PTPRZ1: variants seen among roughly 807,000 people sequenced by gnomAD.
PTPRZ1 encodes the protein protein tyrosine phosphatase receptor type Z1.
A neutral mutation model predicts 214.1 loss-of-function variants in PTPRZ1; 82 were observed. The ratio of observed to expected loss-of-function variants is 0.38; its 90% CI spans 0.32 to 0.46. The LOEUF (loss-of-function observed/expected upper bound fraction) is 0.46. Ranked by LOEUF, PTPRZ1 falls within the 20% of genes least tolerant of loss-of-function variation. The probability of loss-of-function intolerance (pLI) is 1.00; values close to 1 mark genes in which losing one functional copy is unlikely to be tolerated. For synonymous variants in PTPRZ1, 945 were observed against 987.9 expected (o/e 0.96, Z 0.81); for missense variants, 2,603 against 2,748.7 (o/e 0.95, Z 1.19).
At chr7:122,041,117 A>G (rs866200295) in intron 21 of PTPRZ1, 138 bp downstream of exon 21, 1 of 746,414 alleles carries the variant, frequency 1.3e-6, no homozygotes, top group African/African-American at 1.8e-5. Flanking sequence ...CATTTTCATA[A>G]GTATTGATCA....
At chr7:122,049,193 A>T (rs1347832034) in intron 23 of PTPRZ1, among the ~76,000 whole-genome samples, 1 of 152,138 alleles carries the variant, frequency 6.6e-6, no homozygotes, top group African/African-American at 2.4e-5. Context: ...AAGCTTTCTT[A>T]GCCTTCTAGA....
Position 122,013,297 on chromosome 7 carries a change from A to C in PTPRZ1, c.4251A>C (p.Glu1417Asp). 6.2e-7 allele frequency: 1 copy of C among 1,607,758 alleles called. No homozygotes were observed. Among genetic ancestry groups the C allele is most frequent in the South Asian group, 1.1e-5 (1 of 90,544 alleles). The change falls in exon 12 of 30, where the codon GAA becomes GAC. Residue 1417 changes from glutamate to aspartate, a missense_variant. Transcript: ENST00000393386. ...ATGCCGGTTTAGTGGGTGGTGGTGA[A>C]GATGGTGACACTGATGATGATGGTG... ...KSDAGLVGGG[E>D]DGDTDDDGDD... is the part of the protein sequence containing the mutation.
intron 2 of PTPRZ1, among the ~76,000 whole-genome samples, chr7:121,954,478 T>C (rs1446561414): frequency 6.6e-6 from 1 of 152,222 alleles, no homozygotes; most frequent in African/African-American, 2.4e-5. Flanking sequence ...TACCTGTTTA[T>C]TGAGACTTAT....
chr7:121,910,356 A>G (rs1795234909), intron 1 of PTPRZ1, among the ~76,000 whole-genome samples: 1 of 152,098 alleles, frequency 6.6e-6, no homozygotes. Flanking sequence ...CTTCTTAAAT[A>G]CTGCATGATT....
chr7:122,011,529 G>T lies in PTPRZ1; in HGVS notation c.2483G>T (p.Ser828Ile). 1.2e-6 allele frequency: 2 copies of T among 1,614,036 alleles called. No individual in the cohort carries two copies. The highest frequency in any genetic ancestry group is 1.3e-5 in the African/African-American group (1 of 75,038). The stretch of plus-strand genomic sequence containing the variant: ...CTTCCATTTTCCTCTGCTTCCTTCA[G>T]TAGTGAATTGTTTCGCCATCTGCAT... ...PLLPFSSASF[S>I]SELFRHLHTV... Residue 828 changes from serine to isoleucine, a missense_variant, in exon 12 of 30, where the codon AGT (serine) becomes ATT (isoleucine). By Grantham distance (142) the Ser-to-Ile change is moderately radical. Transcript: ENST00000393386.
At chr7:122,054,166 G>A (rs1383809845) in intron 26 of PTPRZ1, 128 bp downstream of exon 26, 18 of 1,018,494 alleles carry the variant, frequency 1.8e-5, no homozygotes, top group Middle Eastern at 2.9e-4. Context: ...GTCATTGAAG[G>A]CATACTCTTC....
At chr7:122,046,906 A>C (rs1054788811) in intron 23 of PTPRZ1, among the ~76,000 whole-genome samples, 2 of 152,216 alleles carry the variant, frequency 1.3e-5, no homozygotes, top group African/African-American at 4.8e-5. Flanking sequence ...TAAAATAGCC[A>C]ATTAAAAATG....
intron 25 of PTPRZ1, 92 bp downstream of exon 25, chr7:122,052,031 G>A: frequency 1.1e-6 from 1 of 935,602 alleles, no homozygotes; most frequent in South Asian, 1.8e-5. Context: ...TACAGGCATG[G>A]GCAAATGAGT....
At chr7:121,923,158 T>G (rs1795651196) in intron 1 of PTPRZ1, among the ~76,000 whole-genome samples, 1 of 152,188 alleles carries the variant, frequency 6.6e-6, no homozygotes, top group Admixed American at 6.5e-5. Flanking sequence ...TGCCTTTTCT[T>G]CTACCTGGAA....
Position 122,038,898 on chromosome 7 carries a change from A to C in PTPRZ1, c.5502+9A>C. Reference sequence around the variant, plus strand: ...TCGTGGAGAAAGGAAGGGTATGTAGATAATCTGTTATGTCACCCCCAAAAA... The same window carrying C: ...TCGTGGAGAAAGGAAGGGTATGTAGCTAATCTGTTATGTCACCCCCAAAAA... On this transcript the variant is annotated intron_variant, in intron 19 of 29. Coordinates refer to ENST00000393386, the MANE Select transcript of PTPRZ1 (RefSeq NM_002851.3). 6.2e-7 allele frequency: 1 copy of C among 1,613,384 alleles called. No homozygotes were observed. The highest frequency in any genetic ancestry group is 2.2e-5 in the East Asian group (1 of 44,828).
chr7:121,886,327 T>C (rs1794396102), intron 1 of PTPRZ1, among the ~76,000 whole-genome samples: 1 of 152,132 alleles, frequency 6.6e-6, no homozygotes, highest in South Asian at 2.1e-4. Flanking sequence ...TCACAGGTTC[T>C]TTATCTGGTA....
intron 14 of PTPRZ1, 34 bp downstream of exon 14, chr7:122,028,677 T>C (rs1799280392): frequency 6.9e-7 from 1 of 1,450,084 alleles, no homozygotes. Flanking sequence ...GAGTAGCTGG[T>C]AGATGTTGAA....
intron 23 of PTPRZ1, among the ~76,000 whole-genome samples, chr7:122,046,449 A>G (rs1382220418): frequency 6.6e-6 from 1 of 152,150 alleles, no homozygotes; most frequent in Admixed American, 6.6e-5. Context: ...TAAACAAAAT[A>G]GTGTGAAAAA....
chr7:122,010,159 C>T (rs1263748714), intron 11 of PTPRZ1, among the ~76,000 whole-genome samples, 175 bp from the exon 12 acceptor site: 1 of 152,110 alleles, frequency 6.6e-6, no homozygotes, highest in Non-Finnish European at 1.5e-5. Context: ...AATTACTCCC[C>T]TGTAGAGCGG....
chr7:122,017,623 G>A (rs953521493), intron 12 of PTPRZ1, among the ~76,000 whole-genome samples: 18 of 151,398 alleles, frequency 1.2e-4, no homozygotes, highest in African/African-American at 2.9e-4. Context: ...GTGCAGTGGC[G>A]TGATCTCAGC....
rs889984428 is a variant in PTPRZ1 at position 121,897,372 on chromosome 7, GA to G, written c.58+23824del. Among the ~76,000 whole-genome samples, 318 of 150,716 alleles carry G rather than the reference GA, an allele frequency of 2.1e-3. 2 individuals are homozygous for G. Among genetic ancestry groups the G allele is most frequent in the African/African-American group, 7.4e-3 (303 of 41,116 alleles). Reference sequence around the variant, plus strand: ...ACATTCCTAAGAACTAGTCTCTATGGAAAAAAAAATGTAACATGACTTCTTC... The same window carrying G: ...ACATTCCTAAGAACTAGTCTCTATGGAAAAAAAATGTAACATGACTTCTTC... On this transcript the variant is annotated intron_variant, in intron 1 of 29. Coordinates refer to ENST00000393386, the MANE Select transcript of PTPRZ1 (RefSeq NM_002851.3).
rs148337509 is a variant in PTPRZ1 at position 122,043,802 on chromosome 7, G to A, written c.5938-620G>A. On this transcript the variant is annotated intron_variant, in intron 22 of 29. Transcript: ENST00000393386. ...GAGAGAATCAGGAAAAATAACTAAT[G>A]GACTAATGGGTATGAGCCTTAATAC... is the stretch of plus-strand genomic sequence containing the variant. Among the ~76,000 whole-genome samples, 774 of 152,112 alleles carry A rather than the reference G, an allele frequency of 5.1e-3. 4 individuals carry two copies. Among genetic ancestry groups the A allele is most frequent in the African/African-American group, 0.018 (731 of 41,490 alleles).
chr7:121,976,361 AGG>A, intron 5 of PTPRZ1, 93 bp downstream of exon 5: 1 of 798,294 alleles, frequency 1.3e-6, no homozygotes, highest in East Asian at 2.7e-5. Context: ...TAACAAAGAG[AGG>A]AGCTCACAAG....
At position 121,910,584 on chromosome 7, in the gene PTPRZ1, G is replaced by A. The variant is rs369773456; in HGVS notation, c.59-17572G>A. On this transcript the variant is annotated intron_variant, in intron 1 of 29. Transcript: ENST00000393386. ...TTAAATGGTGCTTGGCATACAGTATGTAATCAGTATATATTAGTTGAAGGT... is the reference window on the plus strand; with the variant it reads ...TTAAATGGTGCTTGGCATACAGTATATAATCAGTATATATTAGTTGAAGGT... Among the ~76,000 whole-genome samples, 5 of 150,274 alleles carry A rather than the reference G, an allele frequency of 3.3e-5. No homozygotes were observed. In the East Asian group the frequency reaches 7.7e-4, roughly 23 times the overall value.
Sources: allele counts gnomAD v4.1 joint callset (sites outside exome capture counted in the v4.1 genomes callset), GRCh38; gene constraint gnomAD v4.1.1; transcripts MANE v1.5; gene names NCBI Gene and HGNC (gene_info 2026-07-23, HGNC 2026-07-21).